The following THSD7B variants were observed in gnomAD, a reference collection of about 807,000 sequenced individuals.
THSD7B encodes the protein thrombospondin type-1 domain-containing protein 7B.
In THSD7B, 138 loss-of-function variants were observed where a neutral mutation model predicts 213.6. That is an observed-to-expected ratio of 0.65 (90% CI 0.56 to 0.74). The LOEUF is 0.74. Among genes scored for constraint, THSD7B ranks in the 30% least tolerant of loss-of-function variants. The pLI is 0.00. For missense variants in THSD7B, 1,931 were observed against 1,991.5 expected, an observed-to-expected ratio of 0.97 and a Z score of 0.58; for synonymous variants, 742 against 687.0, an observed-to-expected ratio of 1.08 and a Z score of -1.25.
chr2:137,607,282 G>T (rs1682201054), intron 17 of THSD7B, among the ~76,000 whole-genome samples: 1 of 151,820 alleles, frequency 6.6e-6, no homozygotes, highest in Non-Finnish European at 1.5e-5. Flanking sequence ...TCTATGTCTA[G>T]GTCTTTTTCT....
chr2:137,452,167 A>G (rs1687665554), intron 15 of THSD7B: 1 of 272,282 alleles, frequency 3.7e-6, no homozygotes, highest in South Asian at 1.4e-4. Context: ...AAGTTCTAAA[A>G]CAGAGCATAG....
chr2:137,020,686 C>T (rs1436156669), intron 2 of THSD7B, among the ~76,000 whole-genome samples: 2 of 152,122 alleles, frequency 1.3e-5, no homozygotes, highest in East Asian at 1.9e-4. Context: ...ATGAGGGAGC[C>T]GCAAGCACTC....
rs201280509 is a variant in THSD7B, at chr2:137,399,214, C to A, written c.2501-6399C>A. ...CCACCCCTTTTTTTTTTTTTTTAAACACAAGTCTTGCTCTGTTTCCCAGGT... is the reference window on the plus strand; with the variant it reads ...CCACCCCTTTTTTTTTTTTTTTAAAAACAAGTCTTGCTCTGTTTCCCAGGT... On this transcript the variant is annotated intron_variant, in intron 12 of 27. Transcript: ENST00000409968. Among the ~76,000 whole-genome samples the A allele has an allele frequency of 1.1e-4, 3 of 26,594 alleles. 1 individual carries two copies. The highest frequency in any genetic ancestry group is 2.0e-4 in the African/African-American group (3 of 15,014). 17.4% of individuals were successfully genotyped at this position (26,594 alleles called of 152,430 possible).
intron 2 of THSD7B, among the ~76,000 whole-genome samples, chr2:137,002,809 A>G (rs1156254965): frequency 6.6e-6 from 1 of 152,172 alleles, no homozygotes; most frequent in Non-Finnish European, 1.5e-5. Context: ...TTTAAAAACT[A>G]TATTTCCCTG....
At chr2:136,934,815 T>C (rs1326607211) in intron 2 of THSD7B, among the ~76,000 whole-genome samples, 2 of 152,194 alleles carry the variant, frequency 1.3e-5, no homozygotes, top group Admixed American at 6.5e-5. Context: ...CCTTTTCTTT[T>C]GAGTGCATTT....
chr2:136,782,880 A>G (rs1161877042), intron 1 of THSD7B, among the ~76,000 whole-genome samples: 2 of 152,144 alleles, frequency 1.3e-5, no homozygotes, highest in African/African-American at 4.8e-5. Flanking sequence ...TGATAAAAAC[A>G]TGCAATATTA....
chr2:136,890,054 A>G (rs1683787560), intron 2 of THSD7B, among the ~76,000 whole-genome samples: 1 of 152,078 alleles, frequency 6.6e-6, no homozygotes, highest in African/African-American at 2.4e-5. Flanking sequence ...CAGAATTTTG[A>G]AAGTCTTGCC....
intron 3 of THSD7B, among the ~76,000 whole-genome samples, chr2:137,084,308 G>A (rs1455777848): frequency 6.6e-6 from 1 of 152,114 alleles, no homozygotes; most frequent in African/African-American, 2.4e-5. Flanking sequence ...AATAAAGGAC[G>A]TGACAGTTGG....
intron 2 of THSD7B, among the ~76,000 whole-genome samples, chr2:137,004,088 GA>G (rs1300597804): frequency 6.6e-6 from 1 of 151,980 alleles, no homozygotes; most frequent in Non-Finnish European, 1.5e-5. Context: ...TGAAAAGATA[GA>G]AAAAGTATCT....
intron 7 of THSD7B, among the ~76,000 whole-genome samples, chr2:137,178,284 A>G (rs1265400069): frequency 1.3e-5 from 2 of 152,008 alleles, no homozygotes; most frequent in Non-Finnish European, 2.9e-5. Context: ...GAAGACACGC[A>G]ATATGTGAGA....
intron 2 of THSD7B, among the ~76,000 whole-genome samples, chr2:137,038,317 G>T (rs779330624): frequency 5.3e-5 from 8 of 152,052 alleles, no homozygotes; most frequent in Admixed American, 5.2e-4. Flanking sequence ...ACAGAGAAGG[G>T]GTTGAAAGCT....
chr2:137,079,755 A>T (rs1687703682), intron 3 of THSD7B, among the ~76,000 whole-genome samples: 1 of 152,220 alleles, frequency 6.6e-6, no homozygotes, highest in Admixed American at 6.5e-5. Flanking sequence ...ATAGTAGCTT[A>T]CATTGTATTT....
chr2:137,628,550 G>A (rs189361306), intron 20 of THSD7B, among the ~76,000 whole-genome samples: 8 of 152,166 alleles, frequency 5.3e-5, no homozygotes, highest in Non-Finnish European at 1.2e-4. Context: ...ATACAAATGA[G>A]AGGTGTTATT....
At chr2:137,660,192 AAT>A (rs974858555) in intron 25 of THSD7B, among the ~76,000 whole-genome samples, 6 of 152,218 alleles carry the variant, frequency 3.9e-5, no homozygotes, top group Middle Eastern at 3.4e-3. Context: ...GGTTGAAAAA[AAT>A]ATGTGTATGG....
At chr2:137,333,025 A>G (rs1684550407) in intron 12 of THSD7B, among the ~76,000 whole-genome samples, 1 of 152,198 alleles carries the variant, frequency 6.6e-6, no homozygotes, top group East Asian at 1.9e-4. Flanking sequence ...TGTAGTATCA[A>G]TTGTGTGGAT....
At chr2:137,335,486 T>G (rs1186787367) in intron 12 of THSD7B, among the ~76,000 whole-genome samples, 1 of 152,236 alleles carries the variant, frequency 6.6e-6, no homozygotes, top group Non-Finnish European at 1.5e-5. Context: ...TTTTCCCCTC[T>G]TGGAAGTAGT....
chr2:136,987,235 T>G (rs1573751103), intron 2 of THSD7B, among the ~76,000 whole-genome samples: 1 of 152,326 alleles, frequency 6.6e-6, no homozygotes, highest in Non-Finnish European at 1.5e-5. Flanking sequence ...GTAAGGCTGT[T>G]TAGCCAGGGT....
intron 2 of THSD7B, among the ~76,000 whole-genome samples, chr2:137,046,687 G>C (rs1011609404): frequency 7.2e-6 from 1 of 139,310 alleles, no homozygotes; most frequent in Non-Finnish European, 1.5e-5. Flanking sequence ...CCAAGATCAC[G>C]CCACTGCATT....
chr2:136,778,885 A>G (rs1297963165), intron 1 of THSD7B, among the ~76,000 whole-genome samples: 1 of 152,174 alleles, frequency 6.6e-6, no homozygotes, highest in African/African-American at 2.4e-5. Flanking sequence ...GCTCTAAGGT[A>G]AGGGAGGAAT....
Sources: allele counts gnomAD v4.1 joint callset (sites outside exome capture counted in the v4.1 genomes callset), GRCh38; gene constraint gnomAD v4.1.1; transcripts MANE v1.5; gene names NCBI Gene and HGNC (gene_info 2026-07-23, HGNC 2026-07-21).